Variants in DTWD2 observed in about 807,000 individuals in gnomAD.
DTWD2 encodes the protein tRNA-uridine aminocarboxypropyltransferase 2.
DTWD2 carries 39 observed loss-of-function variants against 31.8 expected under a neutral mutation model. The ratio of observed to expected loss-of-function variants is 1.22; its 90% CI spans 0.95 to 1.60. The LOEUF (loss-of-function observed/expected upper bound fraction) is 1.60. Among genes scored for constraint, DTWD2 ranks in the 40% most tolerant of loss-of-function variants. The pLI, the probability that DTWD2 is intolerant of heterozygous loss-of-function variation, is 0.00. For synonymous variants in DTWD2, 180 were observed against 142.8 expected (o/e 1.26, Z -1.86); for missense variants, 515 against 381.5 (o/e 1.35, Z -2.92).
intron 4 of DTWD2, among the ~76,000 whole-genome samples, chr5:118,879,297 T>C (rs1057427683): frequency 3.3e-5 from 5 of 152,124 alleles, no homozygotes; most frequent in African/African-American, 1.2e-4. Context: ...CCATGGAATA[T>C]TACGCAGCCA....
At chr5:118,866,932 A>T (rs1752393958) in intron 4 of DTWD2, among the ~76,000 whole-genome samples, 1 of 152,086 alleles carries the variant, frequency 6.6e-6, no homozygotes, top group Admixed American at 6.6e-5. Flanking sequence ...AAAAAATGAA[A>T]ATAAAAAAAT....
intron 4 of DTWD2, among the ~76,000 whole-genome samples, chr5:118,927,070 A>AAGAG (rs528701215): frequency 3.3e-5 from 5 of 151,660 alleles, no homozygotes; most frequent in Admixed American, 1.3e-4. Flanking sequence ...GAGACAGAGA[A>AAGAG]AGAGAGAGAG....
At chr5:118,918,907 A>G (rs1406132123) in intron 4 of DTWD2, among the ~76,000 whole-genome samples, 1 of 152,100 alleles carries the variant, frequency 6.6e-6, no homozygotes, top group East Asian at 1.9e-4. Flanking sequence ...CTCATAACCA[A>G]AAACAAGACA....
chr5:118,848,398 T>C (rs1300737329), intron 4 of DTWD2, among the ~76,000 whole-genome samples, 180 bp from the exon 5 acceptor site: 1 of 152,200 alleles, frequency 6.6e-6, no homozygotes, highest in Non-Finnish European at 1.5e-5. Flanking sequence ...AGAAGATAGC[T>C]ATATAGAAGA....
intron 1 of DTWD2, among the ~76,000 whole-genome samples, chr5:118,956,043 C>T (rs1754577067): frequency 6.6e-6 from 1 of 152,060 alleles, no homozygotes; most frequent in Non-Finnish European, 1.5e-5. Context: ...ATGTTATTGT[C>T]TTGCTATGTG....
intron 4 of DTWD2, among the ~76,000 whole-genome samples, chr5:118,893,315 C>G (rs1167844227): frequency 6.8e-6 from 1 of 146,476 alleles, no homozygotes; most frequent in Non-Finnish European, 1.5e-5. Flanking sequence ...GAGCTGAGAT[C>G]GCACCACTGC....
At chr5:118,841,205 T>G in intron 5 of DTWD2, 118 bp from the exon 6 acceptor site, 10 of 1,112,412 alleles carry the variant, frequency 9.0e-6, no homozygotes, top group Non-Finnish European at 1.3e-5. Flanking sequence ...GGCTTTTAAC[T>G]ATGAGAAACA....
At chr5:118,897,805 A>AT (rs1415505531) in intron 4 of DTWD2, among the ~76,000 whole-genome samples, 1 of 152,242 alleles carries the variant, frequency 6.6e-6, no homozygotes, top group Non-Finnish European at 1.5e-5. Flanking sequence ...GTACTATGTA[A>AT]TATTATTTTT....
At chr5:118,978,380 A>T (rs1036874928) in intron 1 of DTWD2, among the ~76,000 whole-genome samples, 2 of 152,228 alleles carry the variant, frequency 1.3e-5, no homozygotes, top group Non-Finnish European at 2.9e-5. Context: ...GATAAATGGG[A>T]TCTAATTAAA....
intron 2 of DTWD2, among the ~76,000 whole-genome samples, chr5:118,943,594 G>A (rs1432260086): frequency 6.6e-6 from 1 of 151,282 alleles, no homozygotes; most frequent in Non-Finnish European, 1.5e-5. Flanking sequence ...TCCACCAAAT[G>A]GAGTAGTTAA....
At chr5:118,946,485 C>A (rs932654936) in intron 1 of DTWD2, among the ~76,000 whole-genome samples, 1 of 152,128 alleles carries the variant, frequency 6.6e-6, no homozygotes, top group African/African-American at 2.4e-5. Flanking sequence ...AAACAAGATT[C>A]TGATTTTTTC....
intron 4 of DTWD2, among the ~76,000 whole-genome samples, chr5:118,878,162 T>C (rs1269651152): frequency 1.3e-5 from 2 of 152,108 alleles, no homozygotes; most frequent in African/African-American, 2.4e-5. Flanking sequence ...AAAAAACTAA[T>C]TTAAAGTGCA....
At chr5:118,942,593 C>T (rs1160623528) in intron 2 of DTWD2, among the ~76,000 whole-genome samples, 9 of 151,218 alleles carry the variant, frequency 6.0e-5, no homozygotes, top group African/African-American at 2.2e-4. Context: ...GAGGATCACT[C>T]GAGGCCAGGA....
intron 3 of DTWD2, among the ~76,000 whole-genome samples, chr5:118,933,948 A>C (rs1753980423): frequency 6.6e-6 from 1 of 151,434 alleles, no homozygotes; most frequent in Non-Finnish European, 1.5e-5. Flanking sequence ...CAAGTAAATA[A>C]GTACAGCAAG....
At chr5:118,984,417 C>G (rs1005225771) in intron 1 of DTWD2, among the ~76,000 whole-genome samples, 2 of 150,408 alleles carry the variant, frequency 1.3e-5, no homozygotes, top group African/African-American at 4.9e-5. Context: ...GCTGAGATTG[C>G]GCCACTGCAA....
intron 3 of DTWD2, among the ~76,000 whole-genome samples, chr5:118,930,368 T>G (rs1365842931): frequency 1.3e-5 from 2 of 152,192 alleles, no homozygotes; most frequent in African/African-American, 4.8e-5. Flanking sequence ...AGACAAATTA[T>G]CATTTTTCTT....
At chr5:118,940,411 G>T (rs1754153011) in intron 2 of DTWD2, among the ~76,000 whole-genome samples, 2 of 152,118 alleles carry the variant, frequency 1.3e-5, no homozygotes, top group South Asian at 2.1e-4. Flanking sequence ...ATTAAATAGT[G>T]CCATAAGATT....
At chr5:118,948,246 C>T (rs1422072233) in intron 1 of DTWD2, among the ~76,000 whole-genome samples, 6 of 151,914 alleles carry the variant, frequency 3.9e-5, no homozygotes, top group Non-Finnish European at 5.9e-5. Context: ...GAGGCCGAGG[C>T]GGGCGGATCA....
At chr5:118,977,793 A>T (rs1279755604) in intron 1 of DTWD2, among the ~76,000 whole-genome samples, 1 of 152,242 alleles carries the variant, frequency 6.6e-6, no homozygotes, top group Non-Finnish European at 1.5e-5. Flanking sequence ...ATTCCAATTA[A>T]ACTACCATTA....
Sources: gnomAD v4.1 joint callset for allele counts (sites outside exome capture counted in the v4.1 genomes callset) on GRCh38, gnomAD v4.1.1 for gene constraint, MANE v1.5 for transcripts, NCBI Gene and HGNC (gene_info 2026-07-23, HGNC 2026-07-21) for gene names.